AMH: variants seen among roughly 807,000 people sequenced by gnomAD.
AMH encodes anti-Muellerian hormone.
Under a neutral mutation model 33.3 loss-of-function variants are expected in AMH, and 39 were observed. That is an observed-to-expected ratio of 1.17 (90% CI 0.91 to 1.53). The LOEUF is 1.53. Ranked by LOEUF, AMH falls within the 40% of genes most tolerant of loss-of-function variation. AMH has a pLI of 0.00. For synonymous variants in AMH, 536 were observed against 403.0 expected, an observed-to-expected ratio of 1.33 and a Z score of -3.95; for missense variants, 1,019 against 799.8, an observed-to-expected ratio of 1.27 and a Z score of -3.30.
rs781564146 is a variant in AMH, at chr19:2,250,333, G to A, written c.413-4G>A. The A allele has an allele frequency of 6.3e-7, 1 of 1,595,208 alleles. No individual in the cohort carries two copies. On this transcript the variant is annotated splice_polypyrimidine_tract_variant and splice_region_variant and intron_variant, in intron 1 of 4. Transcript: ENST00000221496. ...TCAGGCGTCCCCTGCTGTCCCGGCT[G>A]CAGTGACCTGGGAGCCAACACCCTC...
At position 2,250,693 on chromosome 19, in the gene AMH, G is replaced by A. The variant is rs533710645; in HGVS notation, c.597G>A (p.Ala199=). The change falls in exon 3 of 5, where the codon GCG becomes GCA. Residue 199 remains alanine (A), a synonymous_variant. Transcript: ENST00000221496. ...PSRDTRYLVL[A]VDRPAGAWRG... ...GAGACACCCGCTACCTGGTGTTAGC[G>A]GTGGACCGCCCTGCGGGGGCCTGGC... The A allele has an allele frequency of 1.9e-6, 3 of 1,539,608 alleles. No homozygotes were observed. Among genetic ancestry groups the A allele is most frequent in the Non-Finnish European group, 1.7e-6 (2 of 1,147,624 alleles).
intron 1 of AMH, 151 bp from the exon 2 acceptor site, chr19:2,250,186 C>A (rs991519014): frequency 2.4e-5 from 32 of 1,320,490 alleles, no homozygotes; most frequent in Non-Finnish European, 3.3e-5. Context: ...CGTCACCGCT[C>A]CCTGGCTGCA....
rs1191260824 is a variant in AMH, at chr19:2,250,867, C to T, written c.683C>T (p.Ala228Val). The T allele has an allele frequency of 1.3e-6, 2 of 1,573,132 alleles. No individual in the cohort carries two copies. The highest frequency in any genetic ancestry group is 1.8e-5 in the Admixed American group (1 of 57,022). ...PRGEDSRLST[A>V]RLQALLFGDD... Reference sequence around the variant, plus strand: ...ACCGCAGACTCCCGGCTGAGTACCGCCCGGCTGCAGGCACTGCTGTTCGGC... The same window carrying T: ...ACCGCAGACTCCCGGCTGAGTACCGTCCGGCTGCAGGCACTGCTGTTCGGC... The change falls in exon 4 of 5, where the codon GCC becomes GTC. Residue 228 changes from alanine (A) to valine (V), a missense_variant. By Grantham distance (64) the Ala-to-Val change is moderately conservative. Coordinates refer to ENST00000221496, the MANE Select transcript of AMH (RefSeq NM_000479.5).
At position 2,250,966 on chromosome 19, in the gene AMH, C is replaced by G; in HGVS notation, c.782C>G (p.Pro261Arg). 3 of 1,522,234 alleles carry G rather than the reference C, an allele frequency of 2.0e-6. No homozygotes were observed. The highest frequency in any genetic ancestry group is 2.6e-6 in the Non-Finnish European group (3 of 1,142,548). 94.3% of individuals were successfully genotyped at this position (1,522,234 alleles called of 1,614,324 possible). The change falls in exon 4 of 5, where the codon CCT (proline) becomes CGT (arginine). Residue 261 changes from proline to arginine, a missense_variant. Coordinates refer to ENST00000221496, the MANE Select transcript of AMH (RefSeq NM_000479.5). The stretch of plus-strand genomic sequence containing the variant: ...CCGCGGTCCGAGCCCGCGCCGCTGC[C>G]TGCGCACGGCCAGCTGGACACCGTG... ...LLPRSEPAPLPAHGQLDTVPF... is the reference protein window; with the variant it reads ...LLPRSEPAPLRAHGQLDTVPF...
In AMH at chr19:2,250,888, T is replaced by C. The variant is rs2025027259; in HGVS notation, c.704T>C (p.Phe235Ser). ...ACCGCCCGGCTGCAGGCACTGCTGT[T>C]CGGCGACGACCACCGCTGCTTCACA... is the stretch of plus-strand genomic sequence containing the variant. ...LSTARLQALL[F>S]GDDHRCFTRM... Residue 235 changes from phenylalanine to serine, a missense_variant, in exon 4 of 5, where the codon TTC becomes TCC. Coordinates refer to ENST00000221496, the MANE Select transcript of AMH (RefSeq NM_000479.5). 6.4e-7 allele frequency: 1 copy of C among 1,574,592 alleles called. No homozygotes were observed. The highest frequency in any genetic ancestry group is 1.1e-5 in the South Asian group (1 of 87,680).
In AMH at chr19:2,251,450, C is replaced by A; in HGVS notation, c.1176C>A (p.Ser392Arg). 7.0e-7 allele frequency: 1 copy of A among 1,433,232 alleles called. No individual in the cohort carries two copies. Among genetic ancestry groups the A allele is most frequent in the South Asian group, 1.4e-5 (1 of 71,824 alleles). The allele number at this position is 1,433,232 out of a possible 1,614,324, so 88.8% of individuals were successfully genotyped here. The change falls in exon 5 of 5, where the codon AGC becomes AGA. Residue 392 changes from serine to arginine, a missense_variant. Physicochemically the swap from Ser to Arg is moderately radical, Grantham distance 110 (BLOSUM62 -1). Coordinates refer to ENST00000221496, the MANE Select transcript of AMH (RefSeq NM_000479.5). ...AAGCGGCGGCTGCCGAGCTGCGAAG[C>A]CTCCCGGGTCTGCCTCCGGCCACAG... ...ELQAAAAELR[S>R]LPGLPPATAP...
chr19:2,251,030 C>T (rs1404266567), intron 4 of AMH, 22 bp downstream of exon 4: 12 of 1,519,026 alleles, frequency 7.9e-6, no homozygotes, highest in Admixed American at 2.0e-5. Flanking sequence ...CACCGGGACA[C>T]GGGGCAGGAG....
At position 2,250,467 on chromosome 19, in the gene AMH, G is replaced by T. The variant is rs2025012442; in HGVS notation, c.543G>T (p.Leu181=). 2 of 1,549,358 alleles carry T rather than the reference G, an allele frequency of 1.3e-6. No individual in the cohort carries two copies. Among genetic ancestry groups the T allele is most frequent in the Non-Finnish European group, 8.7e-7 (1 of 1,147,664 alleles). The change falls in exon 2 of 5, where the codon CTG becomes CTT. Residue 181 remains leucine, a synonymous_variant. Transcript: ENST00000221496. ...GPEVTVTRAG[L]PGAQSLCPSR... is the part of the protein sequence containing the mutation. ...AGGTCACTGTGACGAGGGCTGGGCT[G>T]CCGGGTGCCCAGGTACCAGGGAGTT... is the stretch of plus-strand genomic sequence containing the variant.
Position 2,251,279 on chromosome 19 carries a change from G to A in AMH, c.1005G>A (p.Ala335=), listed in dbSNP as rs2025037408. 4 of 1,504,050 alleles carry A rather than the reference G, an allele frequency of 2.7e-6. No homozygotes were observed. Among genetic ancestry groups the A allele is most frequent in the African/African-American group, 1.5e-5 (1 of 68,952 alleles). The allele number at this position is 1,504,050 out of a possible 1,614,324, so 93.2% of individuals were successfully genotyped here. The change falls in exon 5 of 5, where the codon GCG becomes GCA. Residue 335 remains alanine (A), a synonymous_variant. Transcript: ENST00000221496. The part of the protein sequence containing the change: ...QGLVNLSDPA[A]LERLLDGEEP... Reference sequence around the variant, plus strand: ...TAGTCAACCTGTCGGACCCCGCGGCGCTGGAGCGCCTACTCGACGGCGAGG... The same window carrying A: ...TAGTCAACCTGTCGGACCCCGCGGCACTGGAGCGCCTACTCGACGGCGAGG...
Position 2,251,602 on chromosome 19 carries a change from CGCGCGGGCCGGGTCGGGCACAGCGCA to C in AMH, c.1336_1361del (p.Pro446GlyfsTer?), listed in dbSNP as rs2025045413. 7.7e-7 allele frequency: 1 copy of C among 1,293,174 alleles called. No individual in the cohort carries two copies. The highest frequency in any genetic ancestry group is 9.8e-7 in the Non-Finnish European group (1 of 1,024,876). The allele number at this position is 1,293,174 out of a possible 1,614,324, so 80.1% of individuals were successfully genotyped here. Reference sequence around the variant, plus strand: ...CGCGTGGAGTGGCGCGGGCGGGATCCGCGCGGGCCGGGTCGGGCACAGCGCAGCGCGGGGGCCACCGCCGCCGACGG... The same window carrying C: ...CGCGTGGAGTGGCGCGGGCGGGATCCGCGCGGGGGCCACCGCCGCCGACGG... On this transcript the variant is annotated frameshift_variant, in exon 5 of 5. Transcript: ENST00000221496. LOFTEE classifies it high-confidence loss of function.
In AMH at chr19:2,251,952, C is replaced by T; in HGVS notation, c.1678C>T (p.Arg560Trp). ...CATGGTGGCCACCGAGTGTGGCTGC[C>T]GGTGACCCCTGCGCCGCGCGGACTC... The part of the protein sequence containing the change: ...PNMVATECGC[R>W] Residue 560 changes from arginine (R) to tryptophan (W), a missense_variant, in exon 5 of 5, where the codon CGG becomes TGG. By Grantham distance (101) the Arg-to-Trp change is moderately radical. Coordinates refer to ENST00000221496, the MANE Select transcript of AMH (RefSeq NM_000479.5). 2.6e-6 allele frequency: 4 copies of T among 1,545,404 alleles called. No homozygotes were observed. The highest frequency in any genetic ancestry group is 3.5e-6 in the Non-Finnish European group (4 of 1,153,580).
In AMH at chr19:2,249,628, C is replaced by T; in HGVS notation, c.296C>T (p.Thr99Ile). The change falls in exon 1 of 5, where the codon ACC becomes ATC. Residue 99 changes from threonine (T) to isoleucine (I), a missense_variant. Coordinates refer to ENST00000221496, the MANE Select transcript of AMH (RefSeq NM_000479.5). The stretch of plus-strand genomic sequence containing the variant: ...CGCTGGGGCCCCCGAGACCTGGCCA[C>T]CTTCGGGGTCTGCAACACCGGTGAC... ...RARWGPRDLATFGVCNTGDRQ... is the reference protein window; with the variant it reads ...RARWGPRDLAIFGVCNTGDRQ... 1.3e-6 allele frequency: 2 copies of T among 1,529,746 alleles called. No homozygotes were observed. The highest frequency in any genetic ancestry group is 1.8e-6 in the Non-Finnish European group (2 of 1,140,610). 94.8% of individuals were successfully genotyped at this position (1,529,746 alleles called of 1,614,324 possible). A position where few individuals can be genotyped will look rare whatever the true frequency, so the allele number is the denominator to read the frequency against.
Position 2,250,472 on chromosome 19 carries a change from G to A in AMH, c.548G>A (p.Gly183Asp), listed in dbSNP as rs749049690. The change falls in exon 2 of 5, where the codon GGT becomes GAT. Residue 183 changes from glycine to aspartate, a missense_variant. Transcript: ENST00000221496. ...EVTVTRAGLP[G>D]AQSLCPSRDT... ...ACTGTGACGAGGGCTGGGCTGCCGGGTGCCCAGGTACCAGGGAGTTGCATG... is the reference window on the plus strand; with the variant it reads ...ACTGTGACGAGGGCTGGGCTGCCGGATGCCCAGGTACCAGGGAGTTGCATG... 1 of 1,548,472 alleles carries A rather than the reference G, an allele frequency of 6.5e-7. No homozygotes were observed. The highest frequency in any genetic ancestry group is 1.2e-5 in the South Asian group (1 of 84,116).
At chr19:2,249,826 G>A in intron 1 of AMH, 82 bp downstream of exon 1, 1 of 1,385,256 alleles carries the variant, frequency 7.2e-7, no homozygotes, top group Non-Finnish European at 9.5e-7. Flanking sequence ...TCAGGGGCTG[G>A]CAGAGCCCCC....
chr19:2,250,988 C>G lies in AMH; in HGVS notation c.804C>G (p.Thr268=). Residue 268 remains threonine, a synonymous_variant, in exon 4 of 5, where the codon ACC becomes ACG. Transcript: ENST00000221496. ...APLPAHGQLD[T]VPFPPPRPSA... is the part of the protein sequence containing the mutation. ...TGCCTGCGCACGGCCAGCTGGACAC[C>G]GTGCCCTTCCCGCCGCCCAGGTGCG... The G allele has an allele frequency of 2.6e-6, 4 of 1,515,296 alleles. No homozygotes were observed. The highest frequency in any genetic ancestry group is 2.0e-5 in the Admixed American group (1 of 49,396). The allele number at this position is 1,515,296 out of a possible 1,614,324, so 93.9% of individuals were successfully genotyped here.
Position 2,249,582 on chromosome 19 carries a change from C to A in AMH, c.250C>A (p.Leu84Met). The change falls in exon 1 of 5, where the codon CTG (leucine) becomes ATG (methionine). Residue 84 changes from leucine to methionine, a missense_variant. By Grantham distance (15) the Leu-to-Met change is conservative. Transcript: ENST00000221496. ...GALSAYEQAF[L>M]GAVQRARWGP... The stretch of plus-strand genomic sequence containing the variant: ...TCTAAGCGCCTATGAGCAGGCCTTC[C>A]TGGGGGCCGTGCAGAGGGCCCGCTG... The A allele has an allele frequency of 3.2e-6, 5 of 1,568,542 alleles. No homozygotes were observed. Among genetic ancestry groups the A allele is most frequent in the East Asian group, 2.3e-5 (1 of 42,622 alleles).
In AMH at chr19:2,251,491, G is replaced by A. The variant is rs1210679148; in HGVS notation, c.1217G>A (p.Arg406His). The A allele has an allele frequency of 3.6e-6, 5 of 1,376,174 alleles. No individual in the cohort carries two copies. Among genetic ancestry groups the A allele is most frequent in the South Asian group, 3.3e-5 (2 of 60,928 alleles). The allele number at this position is 1,376,174 out of a possible 1,614,324, so 85.2% of individuals were successfully genotyped here. A position where few individuals can be genotyped will look rare whatever the true frequency, so the allele number is the denominator to read the frequency against. The change falls in exon 5 of 5, where the codon CGC becomes CAC. Residue 406 changes from arginine to histidine, a missense_variant. By Grantham distance (29) the Arg-to-His change is conservative (BLOSUM62 0). Transcript: ENST00000221496. Reference protein sequence around the residue: ...LPPATAPLLARLLALCPGGPG... With the variant: ...LPPATAPLLAHLLALCPGGPG... ...CCGGCCACAGCCCCGCTGCTGGCGC[G>A]CCTGCTCGCGCTCTGCCCAGGTGGC...
rs1294955256 is a variant in AMH, at chr19:2,251,135, A to G, written c.861A>G (p.Ala287=). Residue 287 remains alanine (A), a synonymous_variant, in exon 5 of 5, where the codon GCA becomes GCG. Coordinates refer to ENST00000221496, the MANE Select transcript of AMH (RefSeq NM_000479.5). The stretch of plus-strand genomic sequence containing the variant: ...AACTCGAGGAGTCGCCACCCAGCGC[A>G]GACCCCTTCCTGGAGACGCTCACGC... ...SAELEESPPS[A]DPFLETLTRL... is the part of the protein sequence containing the mutation. 1.5e-5 allele frequency: 23 copies of G among 1,536,554 alleles called. No homozygotes were observed. The highest frequency in any genetic ancestry group is 2.0e-5 in the Non-Finnish European group (23 of 1,148,750).
intron 1 of AMH, chr19:2,249,957 C>A (rs1030192732): frequency 1.5e-6 from 1 of 658,536 alleles, no homozygotes; most frequent in Non-Finnish European, 2.5e-6. Context: ...GCCCCTGCCT[C>A]GGTGCCAGGG....
Sources: gnomAD v4.1 joint callset for allele counts on GRCh38, gnomAD v4.1.1 for gene constraint, MANE v1.5 for transcripts, NCBI Gene and HGNC (gene_info 2026-07-23, HGNC 2026-07-21) for gene names.